Variants in DNAAF9 observed in about 807,000 individuals in gnomAD.
DNAAF9 encodes the protein shulin.
In DNAAF9, 90 loss-of-function variants were observed where a neutral mutation model predicts 167.0. That is an observed-to-expected ratio of 0.54 (90% CI 0.45 to 0.64). The LOEUF (loss-of-function observed/expected upper bound fraction) is 0.64. Among genes scored for constraint, DNAAF9 ranks in the 30% least tolerant of loss-of-function variants. The pLI, the probability that DNAAF9 is intolerant of heterozygous loss-of-function variation, is 0.00. For missense variants in DNAAF9, 1,315 were observed against 1,442.2 expected, an observed-to-expected ratio of 0.91 and a Z score of 1.43; for synonymous variants, 491 against 508.8, an observed-to-expected ratio of 0.96 and a Z score of 0.47.
chr20:3,343,751 G>A lies in DNAAF9; in HGVS notation c.790-20C>T, dbSNP rs753387498. On this transcript the variant is annotated intron_variant, in intron 8 of 36. Transcript: ENST00000252032. ...GAATGGCTAAAAAGAAGCCAACATT[G>A]TATATATTAAGAACACAATTTGGTA... 2 of 1,589,900 alleles carry A rather than the reference G, an allele frequency of 1.3e-6. No individual in the cohort carries two copies. The highest frequency in any genetic ancestry group is 2.2e-5 in the South Asian group (2 of 90,280).
intron 6 of DNAAF9, among the ~76,000 whole-genome samples, chr20:3,369,028 T>C (rs1304087786): frequency 1.3e-5 from 2 of 151,804 alleles, no homozygotes; most frequent in African/African-American, 2.4e-5. Flanking sequence ...TCTCGGGAGG[T>C]TGTGGCAGGA....
chr20:3,253,612 G>T, intron 36 of DNAAF9, 114 bp downstream of exon 36: 1 of 708,402 alleles, frequency 1.4e-6, no homozygotes. Context: ...CATGCAGAGT[G>T]CTCCTGGGGC....
chr20:3,406,559 C>A (rs2084057782), intron 1 of DNAAF9, among the ~76,000 whole-genome samples: 1 of 152,142 alleles, frequency 6.6e-6, no homozygotes, highest in Admixed American at 6.5e-5. Flanking sequence ...AGCTCCATCA[C>A]AAACAATGCC....
intron 1 of DNAAF9, among the ~76,000 whole-genome samples, chr20:3,402,151 T>C (rs1458084122): frequency 6.6e-6 from 1 of 152,214 alleles, no homozygotes; most frequent in African/African-American, 2.4e-5. Context: ...CTTTCTAGCT[T>C]ACAATCCTGC....
chr20:3,337,761 T>G (rs1434109430), intron 10 of DNAAF9, among the ~76,000 whole-genome samples: 3 of 151,932 alleles, frequency 2.0e-5, no homozygotes, highest in Admixed American at 2.0e-4. Context: ...AAACCTTGTG[T>G]CAGAGTACTC....
intron 32 of DNAAF9, 23 bp downstream of exon 32, chr20:3,259,899 A>G (rs2068349873): frequency 7.3e-7 from 1 of 1,371,170 alleles, no homozygotes; most frequent in South Asian, 1.2e-5. Context: ...TCCAGTGTCT[A>G]GGACATCTCA....
chr20:3,304,616 C>A, intron 20 of DNAAF9, 73 bp from the exon 21 acceptor site: 1 of 743,098 alleles, frequency 1.3e-6, no homozygotes, highest in Non-Finnish European at 2.4e-6. Context: ...TCCTCTTGTA[C>A]AGCAGTGTGG....
intron 16 of DNAAF9, among the ~76,000 whole-genome samples, chr20:3,320,200 T>A (rs73081076): frequency 5.3e-5 from 8 of 152,230 alleles, no homozygotes; most frequent in African/African-American, 1.9e-4. Context: ...GGCATTCTTA[T>A]ATGAAGGTCA....
chr20:3,389,093 C>G (rs138237199), intron 1 of DNAAF9, among the ~76,000 whole-genome samples: 25,225 of 151,950 alleles, frequency 0.17, 2,272 homozygotes, highest in Non-Finnish European at 0.19. Context: ...CACAGCTTCC[C>G]AAGTAGCTGG....
intron 1 of DNAAF9, among the ~76,000 whole-genome samples, chr20:3,391,873 C>T (rs1251405288): frequency 2.0e-5 from 3 of 152,162 alleles, no homozygotes; most frequent in African/African-American, 7.2e-5. Flanking sequence ...GCCACCACGC[C>T]TGGCTGTCTT....
chr20:3,257,806 G>A (rs959704354), intron 33 of DNAAF9, among the ~76,000 whole-genome samples: 7 of 152,282 alleles, frequency 4.6e-5, no homozygotes, highest in African/African-American at 1.4e-4. Context: ...CCAGGTTCAA[G>A]TGATTCTCCT....
At chr20:3,332,869 TGC>T (rs1225818513) in intron 10 of DNAAF9, among the ~76,000 whole-genome samples, 9 of 150,628 alleles carry the variant, frequency 6.0e-5, no homozygotes, top group Non-Finnish European at 1.3e-4. Flanking sequence ...TGCGTGTGCG[TGC>T]GTGCATGCGT....
At chr20:3,379,462 C>T (rs1009880204) in intron 3 of DNAAF9, among the ~76,000 whole-genome samples, 1 of 151,456 alleles carries the variant, frequency 6.6e-6, no homozygotes, top group African/African-American at 2.4e-5. Flanking sequence ...GGCATGGTGG[C>T]GGGTGCCTGT....
intron 9 of DNAAF9, among the ~76,000 whole-genome samples, chr20:3,343,429 G>T (rs1204369980): frequency 6.6e-6 from 1 of 152,108 alleles, no homozygotes; most frequent in Admixed American, 6.6e-5. Context: ...TTACAGGCAT[G>T]AGCCACCGCA....
intron 20 of DNAAF9, among the ~76,000 whole-genome samples, chr20:3,309,438 A>T (rs1157871466): frequency 6.6e-6 from 1 of 152,216 alleles, no homozygotes; most frequent in Non-Finnish European, 1.5e-5. Flanking sequence ...CTAAGTCACC[A>T]TATAGAAATA....
chr20:3,309,158 T>C (rs140659197), intron 20 of DNAAF9, among the ~76,000 whole-genome samples: 6 of 152,260 alleles, frequency 3.9e-5, no homozygotes, highest in Non-Finnish European at 8.8e-5. Context: ...ATTTTTATGT[T>C]GGCTTTTCAG....
At chr20:3,294,456 G>A in intron 24 of DNAAF9, 72 bp downstream of exon 24, 1 of 1,042,416 alleles carries the variant, frequency 9.6e-7, no homozygotes, top group South Asian at 1.3e-5. Flanking sequence ...GAGCTTAAAA[G>A]GACCAACACT....
At chr20:3,386,044 T>C (rs528276459) in intron 1 of DNAAF9, among the ~76,000 whole-genome samples, 2 of 152,276 alleles carry the variant, frequency 1.3e-5, no homozygotes, top group Admixed American at 6.5e-5. Flanking sequence ...TCTCAGCTAC[T>C]AGGAGGCTAA....
intron 4 of DNAAF9, 143 bp downstream of exon 4, chr20:3,376,035 T>C (rs1486463287): frequency 5.3e-6 from 4 of 758,194 alleles, no homozygotes; most frequent in Non-Finnish European, 6.1e-6. Flanking sequence ...AAACGAAATA[T>C]GAAATTCTCC....
Sources: gnomAD v4.1 joint callset for allele counts (sites outside exome capture counted in the v4.1 genomes callset) on GRCh38, gnomAD v4.1.1 for gene constraint, MANE v1.5 for transcripts, NCBI Gene and HGNC (gene_info 2026-07-23, HGNC 2026-07-21) for gene names.